Variants in NDUFAF2 observed in about 807,000 individuals in gnomAD.
The protein encoded by NDUFAF2 is NADH dehydrogenase [ubiquinone] 1 alpha subcomplex assembly factor 2.
In NDUFAF2, 13 loss-of-function variants were observed where a neutral mutation model predicts 22.8. The ratio of observed to expected loss-of-function variants is 0.57; its 90% CI spans 0.37 to 0.91. The LOEUF is 0.91. NDUFAF2 is among the 40% of genes least tolerant of loss of function. The pLI is 0.01. For synonymous variants in NDUFAF2, 53 were observed against 64.2 expected, an observed-to-expected ratio of 0.83 and a Z score of 0.84; for missense variants, 162 against 195.2, an observed-to-expected ratio of 0.83 and a Z score of 1.01.
intron 3 of NDUFAF2, 40 bp downstream of exon 3, chr5:61,099,072 T>C (rs377506622): frequency 3.6e-6 from 5 of 1,408,028 alleles, no homozygotes; most frequent in Middle Eastern, 3.6e-4. Flanking sequence ...GGAGTATATA[T>C]TCCCAAGGAT....
intron 3 of NDUFAF2, among the ~76,000 whole-genome samples, chr5:61,139,076 A>G (rs1561137699): frequency 1.3e-5 from 2 of 152,214 alleles, no homozygotes; most frequent in African/African-American, 2.4e-5. Flanking sequence ...TTAACTTACC[A>G]TGAGGTTATA....
chr5:61,073,844 A>T (rs2111732875), intron 2 of NDUFAF2, among the ~76,000 whole-genome samples: 1 of 152,356 alleles, frequency 6.6e-6, no homozygotes. Flanking sequence ...GGTCACCTTC[A>T]GTCTACCATC....
intron 1 of NDUFAF2, among the ~76,000 whole-genome samples, chr5:61,031,693 C>T (rs899375452): frequency 6.6e-6 from 1 of 152,120 alleles, no homozygotes; most frequent in Admixed American, 6.5e-5. Context: ...CATACGTGTG[C>T]ATGTGTCTTT....
At chr5:61,096,249 T>A (rs1013813048) in intron 2 of NDUFAF2, among the ~76,000 whole-genome samples, 9 of 152,040 alleles carry the variant, frequency 5.9e-5, no homozygotes, top group Non-Finnish European at 1.3e-4. Context: ...GAAAAATAAA[T>A]CTCCCATGGG....
At chr5:61,077,746 G>A (rs959094507) in intron 2 of NDUFAF2, among the ~76,000 whole-genome samples, 1 of 152,136 alleles carries the variant, frequency 6.6e-6, no homozygotes, top group Non-Finnish European at 1.5e-5. Context: ...AGGGGGAAGA[G>A]TTGACCTTTG....
At chr5:61,149,133 G>A (rs1741190867) in intron 3 of NDUFAF2, among the ~76,000 whole-genome samples, 1 of 152,058 alleles carries the variant, frequency 6.6e-6, no homozygotes, top group Non-Finnish European at 1.5e-5. Context: ...ACCACACCTG[G>A]CTAATTTGTG....
chr5:61,095,964 C>T (rs964858131), intron 2 of NDUFAF2, among the ~76,000 whole-genome samples: 9 of 152,106 alleles, frequency 5.9e-5, no homozygotes, highest in Non-Finnish European at 8.8e-5. Context: ...ATGAGAGCCA[C>T]GTACCCTAGC....
intron 1 of NDUFAF2, among the ~76,000 whole-genome samples, chr5:61,054,886 T>C (rs1357918432): frequency 1.3e-5 from 2 of 152,176 alleles, no homozygotes; most frequent in Non-Finnish European, 2.9e-5. Flanking sequence ...GTGGTTAGAG[T>C]TATAGATGTA....
intron 1 of NDUFAF2, among the ~76,000 whole-genome samples, chr5:60,989,009 A>G (rs1751120530): frequency 1.3e-5 from 2 of 152,204 alleles, no homozygotes; most frequent in Admixed American, 6.5e-5. Context: ...AATATGAGAA[A>G]ATATTTGCAA....
chr5:61,105,909 A>C (rs76988560), intron 3 of NDUFAF2, among the ~76,000 whole-genome samples: 2,125 of 151,542 alleles, frequency 0.014, 70 homozygotes, highest in South Asian at 0.04. Context: ...GAGAAGAATG[A>C]ATCCTAATCT....
chr5:61,001,515 A>C (rs1316720016), intron 1 of NDUFAF2, among the ~76,000 whole-genome samples: 1 of 152,102 alleles, frequency 6.6e-6, no homozygotes, highest in East Asian at 1.9e-4. Context: ...CACCTATGCT[A>C]TTCTAATAGT....
chr5:60,967,103 T>G (rs1267205067), intron 1 of NDUFAF2, among the ~76,000 whole-genome samples: 1 of 152,040 alleles, frequency 6.6e-6, no homozygotes, highest in Non-Finnish European at 1.5e-5. Context: ...AATATTATTT[T>G]GTAGCTATAG....
chr5:61,127,393 T>G (rs879654128), intron 3 of NDUFAF2, among the ~76,000 whole-genome samples: 2 of 152,084 alleles, frequency 1.3e-5, no homozygotes, highest in African/African-American at 2.4e-5. Flanking sequence ...CTCAATAAAA[T>G]ACTGGCAAAC....
chr5:61,135,885 G>A (rs1057047502), intron 3 of NDUFAF2, among the ~76,000 whole-genome samples: 6 of 150,916 alleles, frequency 4.0e-5, no homozygotes, highest in African/African-American at 1.5e-4. Flanking sequence ...GTGGATATAG[G>A]AGCTTGAGGG....
chr5:61,076,897 T>G (rs1388152105), intron 2 of NDUFAF2, among the ~76,000 whole-genome samples: 1 of 152,076 alleles, frequency 6.6e-6, no homozygotes, highest in Non-Finnish European at 1.5e-5. Context: ...ACCAACAGGA[T>G]TTGATGACAT....
chr5:61,014,567 G>A (rs1303975426), intron 1 of NDUFAF2, among the ~76,000 whole-genome samples: 1 of 152,156 alleles, frequency 6.6e-6, no homozygotes, highest in African/African-American at 2.4e-5. Flanking sequence ...AGTACAGATG[G>A]CAACCTGGGA....
At chr5:61,144,915 A>G (rs1371463289) in intron 3 of NDUFAF2, among the ~76,000 whole-genome samples, 1 of 152,182 alleles carries the variant, frequency 6.6e-6, no homozygotes, top group Non-Finnish European at 1.5e-5. Context: ...ATGTTATCTA[A>G]TAACTTCCAT....
At chr5:61,067,788 T>C (rs968423286) in intron 1 of NDUFAF2, among the ~76,000 whole-genome samples, 1 of 152,080 alleles carries the variant, frequency 6.6e-6, no homozygotes, top group Admixed American at 6.6e-5. Flanking sequence ...AGTGTAAAAG[T>C]GTTCCTATTT....
chr5:60,954,722 G>A (rs1413344334), intron 1 of NDUFAF2, among the ~76,000 whole-genome samples: 2 of 150,874 alleles, frequency 1.3e-5, no homozygotes, highest in Non-Finnish European at 2.9e-5. Flanking sequence ...TAGGATTACA[G>A]GCATGAGCCA....
Sources: allele counts gnomAD v4.1 joint callset (sites outside exome capture counted in the v4.1 genomes callset), GRCh38; gene constraint gnomAD v4.1.1; transcripts MANE v1.5; gene names NCBI Gene and HGNC (gene_info 2026-07-23, HGNC 2026-07-21).